The following GET1 variants were observed in gnomAD, a reference collection of about 807,000 sequenced individuals.
GET1 encodes the protein congenital heart disease 5 protein.
GET1 carries 20 observed loss-of-function variants against 22.6 expected under a neutral mutation model. The ratio of observed to expected loss-of-function variants is 0.89; its 90% CI spans 0.62 to 1.29. The LOEUF (loss-of-function observed/expected upper bound fraction) is 1.29. Ranked by LOEUF, GET1 falls within the 50% of genes most tolerant of loss-of-function variation. The pLI is 0.00. For synonymous variants in GET1, 92 were observed against 83.8 expected (o/e 1.10, Z -0.53); for missense variants, 209 against 219.9 (o/e 0.95, Z 0.31).
chr21:39,387,691 T>TC (rs369726797), intron 1 of GET1: 5,375 of 108,850 alleles, frequency 0.049, 211 homozygotes, highest in African/African-American at 0.15. Flanking sequence ...CTCCCCACAC[T>TC]CCCCCCCCCC....
At chr21:39,406,603 C>T in exon 5 of GET1, 4 of 1,573,268 alleles carry the variant, frequency 2.5e-6, no homozygotes, top group South Asian at 1.2e-5. Flanking sequence ...TTTCTCTTCC[C>T]CTGATAAATC....
intron 1 of GET1, among the ~76,000 whole-genome samples, chr21:39,415,977 G>A (rs1045034681): frequency 1.3e-5 from 2 of 152,132 alleles, no homozygotes; most frequent in Admixed American, 1.3e-4. Context: ...GTCAGGAAGC[G>A]CGTATCTCTT....
At chr21:39,427,388 C>T (rs745403691) in intron 1 of GET1, among the ~76,000 whole-genome samples, 22 of 152,240 alleles carry the variant, frequency 1.4e-4, no homozygotes, top group South Asian at 2.1e-4. Flanking sequence ...AAGAGCCGGG[C>T]GCGGTGGCTC....
intron 3 of GET1, 150 bp from the exon 4 acceptor site, chr21:39,393,016 T>C (rs1259630036): frequency 3.3e-6 from 2 of 609,612 alleles, no homozygotes; most frequent in Non-Finnish European, 5.8e-6. Flanking sequence ...TGCGTGCTCA[T>C]CTGTTGTCTG....
At position 39,393,194 on chromosome 21, in the gene GET1, A is replaced by T; in HGVS notation, c.365A>T (p.Lys122Met). Residue 122 changes from lysine to methionine, a missense_variant, in exon 4 of 5, where the codon AAG (lysine) becomes ATG (methionine). Physicochemically the swap from Lys to Met is moderately conservative, Grantham distance 95. Coordinates refer to ENST00000649170, the MANE Select transcript of GET1 (RefSeq NM_004627.6). ...QAALMISLIWKYYSVPVAVVP... is the reference protein window; with the variant it reads ...QAALMISLIWMYYSVPVAVVP... ...GCCCTGATGATCTCACTCATTTGGA[A>T]GTATTATTCTGTCCCTGTGGCTGTC... 1.2e-6 allele frequency: 2 copies of T among 1,614,108 alleles called. No homozygotes were observed.
chr21:39,414,740 C>CTGTGTG (rs796818060), intron 1 of GET1, among the ~76,000 whole-genome samples: 601 of 104,072 alleles, frequency 5.8e-3, no homozygotes, highest in African/African-American at 8.4e-3. Flanking sequence ...CTCTCTCTCT[C>CTGTGTG]TCTGTGTGTG....
At chr21:39,424,588 T>C (rs1469129436) in intron 1 of GET1, among the ~76,000 whole-genome samples, 1 of 152,244 alleles carries the variant, frequency 6.6e-6, no homozygotes, top group Non-Finnish European at 1.5e-5. Flanking sequence ...TGTAATCCTT[T>C]CAACAATATG....
At chr21:39,399,329 G>A (rs953522463), downstream of GET1, among the ~76,000 whole-genome samples, 5 of 152,094 alleles carry the variant, frequency 3.3e-5, no homozygotes, top group African/African-American at 4.8e-5. Flanking sequence ...AAAGCAGCAA[G>A]GAAGAAAAAC....
intron 1 of GET1, among the ~76,000 whole-genome samples, chr21:39,383,002 G>C (rs986119836): frequency 2.6e-5 from 4 of 151,778 alleles, no homozygotes; most frequent in African/African-American, 9.7e-5. Context: ...CCAGGCTGGA[G>C]TGCAGTAGCG....
intron 1 of GET1, among the ~76,000 whole-genome samples, chr21:39,418,146 C>T (rs2147493643): frequency 6.6e-6 from 1 of 152,318 alleles, no homozygotes; most frequent in Non-Finnish European, 1.5e-5. Flanking sequence ...AGACCTGCCT[C>T]TATGATCTAA....
downstream of GET1, chr21:39,408,578 G>A (rs183021674): frequency 5.9e-5 from 9 of 152,346 alleles, no homozygotes; most frequent in Non-Finnish European, 1.5e-5. Flanking sequence ...GGCTGATGAA[G>A]TGTTGTACTC....
chr21:39,416,949 C>T (rs932755882), intron 1 of GET1, among the ~76,000 whole-genome samples: 3 of 152,192 alleles, frequency 2.0e-5, no homozygotes, highest in African/African-American at 7.2e-5. Flanking sequence ...TCCCTGTCTG[C>T]AGGTTCTGCA....
intron 1 of GET1, among the ~76,000 whole-genome samples, chr21:39,389,529 T>C (rs2038156533): frequency 6.6e-6 from 1 of 152,186 alleles, no homozygotes; most frequent in African/African-American, 2.4e-5. Context: ...GATCACCCTT[T>C]TGTAATTAAT....
intron 4 of GET1, among the ~76,000 whole-genome samples, chr21:39,403,035 A>G (rs921372527): frequency 1.3e-5 from 2 of 152,208 alleles, no homozygotes; most frequent in Admixed American, 6.5e-5. Flanking sequence ...GGGTGGGCAT[A>G]AGAAAAGATC....
downstream of GET1, among the ~76,000 whole-genome samples, chr21:39,400,890 T>C (rs896836208): frequency 2.6e-5 from 4 of 151,962 alleles, no homozygotes; most frequent in African/African-American, 4.8e-5. Context: ...CATTCCTTTA[T>C]GTTGGCCAAA....
chr21:39,387,677 C>G (rs944714402), intron 1 of GET1: 18 of 347,194 alleles, frequency 5.2e-5, no homozygotes, highest in Admixed American at 1.3e-4. Flanking sequence ...CTCCACCCCC[C>G]CTACTCCCCA....
chr21:39,382,640 A>G (rs932945066), intron 1 of GET1, among the ~76,000 whole-genome samples: 10 of 152,142 alleles, frequency 6.6e-5, no homozygotes, highest in Admixed American at 5.9e-4. Context: ...TATAGGCCAC[A>G]TTTTGTTTAT....
chr21:39,386,643 A>C (rs943638901), intron 1 of GET1: 1 of 152,198 alleles, frequency 6.6e-6, no homozygotes, highest in African/African-American at 2.4e-5. Flanking sequence ...TGCCTGCTCT[A>C]CTGCTGGCAG....
intron 1 of GET1, chr21:39,427,620 C>T (rs1280687006): frequency 1.3e-5 from 2 of 151,088 alleles, no homozygotes; most frequent in African/African-American, 4.9e-5. Context: ...CGAGATGGCG[C>T]CACTGCACTC....
Sources: gnomAD v4.1 joint callset for allele counts (sites outside exome capture counted in the v4.1 genomes callset) on GRCh38, gnomAD v4.1.1 for gene constraint, MANE v1.5 for transcripts, NCBI Gene and HGNC (gene_info 2026-07-23, HGNC 2026-07-21) for gene names.